EAF2: variants seen among roughly 807,000 people sequenced by gnomAD.
EAF2 encodes ELL associated factor 2.
In EAF2, 29 loss-of-function variants were observed where a neutral mutation model predicts 29.4. The observed-to-expected ratio is 0.99, with a 90% CI of 0.73 to 1.35. The LOEUF is 1.35. EAF2 is among the 40% of genes most tolerant of loss of function. The probability of loss-of-function intolerance (pLI) is 0.00; values close to 1 mark genes in which losing one functional copy is unlikely to be tolerated. For missense variants in EAF2, 292 were observed against 312.0 expected (o/e 0.94, Z 0.48); for synonymous variants, 103 against 102.5 (o/e 1.00, Z -0.03).
At chr3:121,858,037 T>C (rs1381931076) in intron 4 of EAF2, among the ~76,000 whole-genome samples, 1 of 152,198 alleles carries the variant, frequency 6.6e-6, no homozygotes, top group African/African-American at 2.4e-5. Context: ...CCATGGTGTA[T>C]ATGTGCCACA....
chr3:121,875,874 T>C (rs1334243332), intron 5 of EAF2, among the ~76,000 whole-genome samples: 2 of 151,680 alleles, frequency 1.3e-5, no homozygotes, highest in Non-Finnish European at 2.9e-5. Context: ...AAATAGAAGA[T>C]AATATTGAGG....
intron 2 of EAF2, among the ~76,000 whole-genome samples, chr3:121,853,384 C>T (rs978944693): frequency 6.6e-6 from 1 of 152,112 alleles, no homozygotes; most frequent in African/African-American, 2.4e-5. Context: ...CTCTTTTATT[C>T]TTTAAAAGTC....
chr3:121,880,010 T>C (rs1183115480), intron 5 of EAF2, among the ~76,000 whole-genome samples: 7 of 152,222 alleles, frequency 4.6e-5, no homozygotes, highest in Admixed American at 4.6e-4. Context: ...TTTCAATCTT[T>C]GAACATGGCA....
At position 121,854,730 on chromosome 3, in the gene EAF2, C is replaced by G; in HGVS notation, c.245C>G (p.Pro82Arg). Reference protein sequence around the residue: ...PVTVFKGSKKPYLKECILIIN... With the variant: ...PVTVFKGSKKRYLKECILIIN... Reference sequence around the variant, plus strand: ...ACTGTTTTCAAAGGTTCAAAAAAACCTTACTTAAAAGAATGCATTTTGATT... The same window carrying G: ...ACTGTTTTCAAAGGTTCAAAAAAACGTTACTTAAAAGAATGCATTTTGATT... Residue 82 changes from proline to arginine, a missense_variant, in exon 3 of 6, where the codon CCT becomes CGT. By Grantham distance (103) the Pro-to-Arg change is moderately radical (BLOSUM62 -2). Transcript: ENST00000273668. 2 of 1,561,990 alleles carry G rather than the reference C, an allele frequency of 1.3e-6. No individual in the cohort carries two copies. Among genetic ancestry groups the G allele is most frequent in the Non-Finnish European group, 1.7e-6 (2 of 1,165,502 alleles).
chr3:121,844,632 T>C (rs1708491411), intron 2 of EAF2, 85 bp downstream of exon 2: 4 of 900,676 alleles, frequency 4.4e-6, no homozygotes. Flanking sequence ...ATTTGTGTAG[T>C]GATAATTGGT....
intron 2 of EAF2, among the ~76,000 whole-genome samples, chr3:121,852,624 C>A (rs1708651840): frequency 1.3e-5 from 2 of 152,184 alleles, no homozygotes; most frequent in African/African-American, 4.8e-5. Context: ...ACCTACCCAT[C>A]TTTTATGGCA....
chr3:121,877,243 C>T (rs1709115829), intron 5 of EAF2, among the ~76,000 whole-genome samples: 1 of 151,316 alleles, frequency 6.6e-6, no homozygotes, highest in African/African-American at 2.4e-5. Context: ...ATGTATAAAA[C>T]ATAACAGAAG....
chr3:121,860,667 T>G (rs992578296), intron 4 of EAF2, among the ~76,000 whole-genome samples: 12 of 152,172 alleles, frequency 7.9e-5, no homozygotes, highest in Non-Finnish European at 1.5e-4. Context: ...TGTCTCTATC[T>G]CCTTCAGTTC....
intron 2 of EAF2, among the ~76,000 whole-genome samples, chr3:121,848,044 C>G (rs1708560164): frequency 1.3e-5 from 2 of 152,142 alleles, no homozygotes; most frequent in Admixed American, 1.3e-4. Context: ...TCATTGTGGA[C>G]AAAGTTCATT....
chr3:121,880,442 C>T (rs901193819), intron 5 of EAF2, among the ~76,000 whole-genome samples: 1 of 141,132 alleles, frequency 7.1e-6, no homozygotes, highest in African/African-American at 2.7e-5. Context: ...TGTCCTGGAC[C>T]TTAGTGTTTT....
intron 5 of EAF2, among the ~76,000 whole-genome samples, chr3:121,883,642 C>G (rs1709228067): frequency 6.6e-6 from 1 of 152,144 alleles, no homozygotes; most frequent in Non-Finnish European, 1.5e-5. Flanking sequence ...TCCTAAACTC[C>G]CCTCCCACTA....
intron 5 of EAF2, among the ~76,000 whole-genome samples, chr3:121,883,484 A>G (rs573792300): frequency 6.6e-6 from 1 of 152,362 alleles, no homozygotes; most frequent in Non-Finnish European, 1.5e-5. Context: ...AATACTTGGA[A>G]TTTATGAAAA....
At position 121,840,515 on chromosome 3, in the gene EAF2, A is replaced by AAAAAAAAAAAAC. The variant is rs1167466790; in HGVS notation, c.107-3932_107-3931insAAAAACAAAAAA. 2.7e-3 allele frequency among the ~76,000 whole-genome samples: 261 copies of AAAAAAAAAAAAC among 97,910 alleles called. 19 individuals carry two copies. Among genetic ancestry groups the AAAAAAAAAAAAC allele is most frequent in the South Asian group, 6.6e-3 (19 of 2,858 alleles). 64.2% of individuals were successfully genotyped at this position (97,910 alleles called of 152,430 possible). Reference sequence around the variant, plus strand: ...AAAAAAAAAAAAAAAAAAAGAAAAAAAAAAAACGGGCCGGGTGCGGTGGCT... The same window carrying AAAAAAAAAAAAC: ...AAAAAAAAAAAAAAAAAAAGAAAAAAAAAAAAAAAAACAAAAAACGGGCCGGGTGCGGTGGCT... On this transcript the variant is annotated intron_variant, in intron 1 of 5. Transcript: ENST00000273668.
intron 2 of EAF2, among the ~76,000 whole-genome samples, chr3:121,845,440 C>CAAAAAAAAAAAAAA (rs747436052): frequency 2.0e-4 from 12 of 59,892 alleles, no homozygotes; most frequent in Non-Finnish European, 3.1e-4. Flanking sequence ...TCCTACATCT[C>CAAAAAAAAAAAAAA]AAAAAAAAAA....
chr3:121,874,959 T>C (rs1018031908), intron 5 of EAF2, among the ~76,000 whole-genome samples: 4 of 151,748 alleles, frequency 2.6e-5, no homozygotes, highest in Non-Finnish European at 5.9e-5. Flanking sequence ...AATAATATAA[T>C]GAGAACTTTT....
At chr3:121,870,629 A>G (rs190747604) in intron 4 of EAF2, among the ~76,000 whole-genome samples, 2 of 152,314 alleles carry the variant, frequency 1.3e-5, no homozygotes, top group East Asian at 1.9e-4. Flanking sequence ...GGGAACCTGG[A>G]AAAAATATTC....
At chr3:121,856,271 T>C (rs1418502721) in intron 3 of EAF2, among the ~76,000 whole-genome samples, 1 of 152,180 alleles carries the variant, frequency 6.6e-6, no homozygotes, top group Non-Finnish European at 1.5e-5. Context: ...ATTTTTCCTT[T>C]TATTTTAGTC....
chr3:121,835,601 T>G (rs896684770), intron 1 of EAF2, among the ~76,000 whole-genome samples: 5 of 152,038 alleles, frequency 3.3e-5, no homozygotes, highest in Non-Finnish European at 5.9e-5. Context: ...GGGTAAACCC[T>G]GGACAGAGAG....
rs867036874 is a variant in EAF2 at position 121,845,405 on chromosome 3, T to C, written c.201+858T>C. 4.3e-5 allele frequency among the ~76,000 whole-genome samples: 5 copies of C among 116,694 alleles called. No homozygotes were observed. In the Middle Eastern group the frequency reaches 0.026, roughly 604 times the overall value. 76.6% of individuals were successfully genotyped at this position (116,694 alleles called of 152,430 possible). ...GTGAGCCGAGATCACGCCACTGCACTCCAGCCTGGGCGATAGAGCGAGACT... is the reference window on the plus strand; with the variant it reads ...GTGAGCCGAGATCACGCCACTGCACCCCAGCCTGGGCGATAGAGCGAGACT... On this transcript the variant is annotated intron_variant, in intron 2 of 5. Transcript: ENST00000273668.
Sources: gnomAD v4.1 joint callset for allele counts (sites outside exome capture counted in the v4.1 genomes callset) on GRCh38, gnomAD v4.1.1 for gene constraint, MANE v1.5 for transcripts, NCBI Gene and HGNC (gene_info 2026-07-23, HGNC 2026-07-21) for gene names.